The following EPM2A variants were observed in gnomAD, a reference collection of about 807,000 sequenced individuals.
EPM2A encodes laforin.
Under a neutral mutation model 26.5 loss-of-function variants are expected in EPM2A, and 21 were observed. The observed-to-expected ratio is 0.79, with a 90% CI of 0.56 to 1.14. The LOEUF is 1.14. EPM2A is among the 50% of genes most tolerant of loss of function. The pLI is 0.00. For missense variants in EPM2A, 458 were observed against 440.8 expected (o/e 1.04, Z -0.35); for synonymous variants, 217 against 177.6 (o/e 1.22, Z -1.76).
In EPM2A at chr6:145,635,467, G is replaced by C. The variant is rs147645370; in HGVS notation, c.496C>G (p.Leu166Val). The change falls in exon 3 of 4, where the codon CTG becomes GTG. Residue 166 changes from leucine (L) to valine (V), a missense_variant. By Grantham distance (32) the Leu-to-Val change is conservative (BLOSUM62 1). Transcript: ENST00000367519. ...TCCACCTGACGAGGGCAGCTACCCA[G>C]CCAGATATTTGGTAGAATTCTAATG... is the stretch of plus-strand genomic sequence containing the variant. ...HYSRILPNIW[L>V]GSCPRQVEHV... The C allele has an allele frequency of 5.0e-6, 8 of 1,613,786 alleles. No individual in the cohort carries two copies. The highest frequency in any genetic ancestry group is 6.8e-6 in the Non-Finnish European group (8 of 1,179,770).
intron 2 of EPM2A, among the ~76,000 whole-genome samples, chr6:145,645,202 T>G (rs751537454): frequency 6.6e-6 from 1 of 152,198 alleles, no homozygotes; most frequent in South Asian, 2.1e-4. Flanking sequence ...TTGGTAAAAA[T>G]TGATCTTAAA....
intron 2 of EPM2A, chr6:145,682,383 C>G (rs1022252088): frequency 1.3e-5 from 2 of 152,132 alleles, no homozygotes; most frequent in African/African-American, 4.8e-5. Flanking sequence ...CGGGACACAG[C>G]CAAACCATAT....
chr6:145,404,393 C>T (rs75995368), intron 4 of EPM2A, among the ~76,000 whole-genome samples: 8,189 of 151,806 alleles, frequency 0.054, 240 homozygotes, highest in Non-Finnish European at 0.064. Flanking sequence ...TTTATATACT[C>T]GTATTTATTT....
chr6:145,576,407 C>T (rs1781032173), intron 2 of EPM2A, among the ~76,000 whole-genome samples: 1 of 151,052 alleles, frequency 6.6e-6, no homozygotes, highest in Non-Finnish European at 1.5e-5. Context: ...CAAGACATCA[C>T]AGTAACTGTA....
At chr6:145,619,848 G>A (rs1775594428) in intron 2 of EPM2A, among the ~76,000 whole-genome samples, 1 of 152,234 alleles carries the variant, frequency 6.6e-6, no homozygotes, top group South Asian at 2.1e-4. Context: ...GTTCTCCGTT[G>A]TAAGGAGGAA....
intron 2 of EPM2A, among the ~76,000 whole-genome samples, chr6:145,644,286 C>CT (rs1163586568): frequency 6.6e-6 from 1 of 152,086 alleles, no homozygotes; most frequent in African/African-American, 2.4e-5. Flanking sequence ...TCTCTTTTGC[C>CT]TTTTTTTCGT....
chr6:145,693,505 T>C lies in EPM2A; in HGVS notation c.302-7209A>G, dbSNP rs553242413. On this transcript the variant is annotated intron_variant, in intron 1 of 3. Transcript: ENST00000367519. ...TACATGAACATACAGAGTGAAATAATAGACATTAGAGACTTCAAAATGTGG... is the reference window on the plus strand; with the variant it reads ...TACATGAACATACAGAGTGAAATAACAGACATTAGAGACTTCAAAATGTGG... Among the ~76,000 whole-genome samples, 16 of 151,940 alleles carry C rather than the reference T, an allele frequency of 1.1e-4. No homozygotes were observed. The East Asian group carries it at 1.7e-3, about 17-fold the overall frequency.
intron 2 of EPM2A, among the ~76,000 whole-genome samples, chr6:145,665,203 C>CA (rs1779080789): frequency 3.8e-5 from 1 of 26,270 alleles, no homozygotes; most frequent in Non-Finnish European, 7.1e-5. Context: ...AAAAACCCTT[C>CA]AAAAAATCAA....
intron 2 of EPM2A, among the ~76,000 whole-genome samples, chr6:145,592,769 A>G (rs1001372752): frequency 6.6e-6 from 1 of 152,136 alleles, no homozygotes; most frequent in African/African-American, 2.4e-5. Flanking sequence ...AAACCCTAGG[A>G]CAACCACCAA....
intron 2 of EPM2A, among the ~76,000 whole-genome samples, chr6:145,529,378 T>C (rs1190098354): frequency 6.6e-6 from 1 of 152,148 alleles, no homozygotes; most frequent in Non-Finnish European, 1.5e-5. Context: ...TGTCTTATTT[T>C]AAGAAATTTC....
At chr6:145,490,521 C>T (rs899140557) in intron 4 of EPM2A, 5 of 718,898 alleles carry the variant, frequency 7.0e-6, no homozygotes, top group African/African-American at 3.5e-5. Context: ...TCTCACAGTA[C>T]TGACATACAT....
Position 145,409,245 on chromosome 6 carries a change from C to T in EPM2A, c.556-25148G>A, listed in dbSNP as rs1331483824. Among the ~76,000 whole-genome samples the T allele has an allele frequency of 3.9e-5, 6 of 152,166 alleles. No individual in the cohort carries two copies. In the East Asian group the frequency reaches 9.7e-4, roughly 24 times the overall value. On this transcript the variant is annotated intron_variant, in intron 4 of 4. Coordinates refer to the EPM2A transcript ENST00000638717. ...TATTAAGTCCTTTCACACACATCAT[C>T]TCACTTAAAAAAACAAGTCTGGGAA...
intron 1 of EPM2A, among the ~76,000 whole-genome samples, chr6:145,732,844 T>C (rs969731268): frequency 3.3e-5 from 5 of 152,224 alleles, no homozygotes; most frequent in South Asian, 2.1e-4. Context: ...ATTTACCATA[T>C]GTCCTCTTGT....
intron 4 of EPM2A, among the ~76,000 whole-genome samples, chr6:145,456,706 G>A (rs908309831): frequency 1.3e-5 from 2 of 152,078 alleles, no homozygotes; most frequent in Non-Finnish European, 2.9e-5. Context: ...AAAATTGCAG[G>A]AATTTGGTTT....
intron 4 of EPM2A, among the ~76,000 whole-genome samples, chr6:145,484,137 A>C (rs1375635452): frequency 6.6e-6 from 1 of 152,090 alleles, no homozygotes; most frequent in Non-Finnish European, 1.5e-5. Context: ...ATTCTATTTT[A>C]GTAATTCTGA....
intron 4 of EPM2A, among the ~76,000 whole-genome samples, chr6:145,467,337 C>G (rs1457570812): frequency 2.0e-5 from 3 of 152,000 alleles, no homozygotes; most frequent in Non-Finnish European, 4.4e-5. Flanking sequence ...ATTAAATAGC[C>G]TATTTGTTCC....
intron 1 of EPM2A, among the ~76,000 whole-genome samples, chr6:145,702,060 A>G (rs1159537862): frequency 6.6e-6 from 1 of 152,010 alleles, no homozygotes; most frequent in Admixed American, 6.6e-5. Context: ...CAGGTTTCCA[A>G]TCATCTCTGC....
chr6:145,629,462 A>G (rs976031001), intron 3 of EPM2A: 1 of 152,238 alleles, frequency 6.6e-6, no homozygotes, highest in Admixed American at 6.5e-5. Flanking sequence ...TGGTGAGAGC[A>G]TCATGTGTGA....
At chr6:145,623,072 A>G (rs1775671312), downstream of EPM2A, among the ~76,000 whole-genome samples, 1 of 152,212 alleles carries the variant, frequency 6.6e-6, no homozygotes, top group Non-Finnish European at 1.5e-5. Context: ...TACCTATAAC[A>G]TTGTATGCTC....
Sources: allele counts gnomAD v4.1 joint callset (sites outside exome capture counted in the v4.1 genomes callset), GRCh38; gene constraint gnomAD v4.1.1; transcripts MANE v1.5; gene names NCBI Gene and HGNC (gene_info 2026-07-23, HGNC 2026-07-21).